NCAM2: variants seen among roughly 807,000 people sequenced by gnomAD.
The protein encoded by NCAM2 is neural cell adhesion molecule 2.
Under a neutral mutation model 98.1 loss-of-function variants are expected in NCAM2, and 30 were observed. That is an observed-to-expected ratio of 0.31 (90% CI 0.23 to 0.41). The LOEUF (loss-of-function observed/expected upper bound fraction) is 0.41, where lower values mean the gene tolerates loss of function less well. Ranked by LOEUF, NCAM2 falls within the 10% of genes least tolerant of loss-of-function variation. NCAM2 has a pLI of 1.00. For synonymous variants in NCAM2, 368 were observed against 342.4 expected, an observed-to-expected ratio of 1.07 and a Z score of -0.83; for missense variants, 867 against 1,005.8, an observed-to-expected ratio of 0.86 and a Z score of 1.87.
At chr21:21,122,730 A>G (rs1370772689) in intron 1 of NCAM2, among the ~76,000 whole-genome samples, 4 of 152,160 alleles carry the variant, frequency 2.6e-5, no homozygotes, top group Non-Finnish European at 4.4e-5. Context: ...GCAGGGGTCA[A>G]AGAGTTTTTG....
intron 7 of NCAM2, among the ~76,000 whole-genome samples, chr21:21,337,580 G>A (rs1046075383): frequency 5.9e-5 from 9 of 151,802 alleles, no homozygotes; most frequent in Non-Finnish European, 8.8e-5. Context: ...GTACTTGATT[G>A]TATCCATTTT....
intron 1 of NCAM2, among the ~76,000 whole-genome samples, chr21:21,093,514 C>A (rs2066056724): frequency 6.6e-6 from 1 of 152,022 alleles, no homozygotes; most frequent in Admixed American, 6.6e-5. Flanking sequence ...GCAGATTTGA[C>A]CTGTTAAAGA....
In NCAM2 at chr21:21,360,944, C is replaced by T. The variant is rs77723751; in HGVS notation, c.1045-12919C>T. ...TACTTCATAAATTTTTATCTATTCT[C>T]AAATTTACAAAACTCCTCTATCATC... On this transcript the variant is annotated intron_variant, in intron 8 of 17. Coordinates refer to ENST00000400546, the MANE Select transcript of NCAM2 (RefSeq NM_004540.5). 2.8e-3 allele frequency among the ~76,000 whole-genome samples: 431 copies of T among 152,124 alleles called. 2 individuals are homozygous for T. Among genetic ancestry groups the T allele is most frequent in the African/African-American group, 9.9e-3 (412 of 41,546 alleles).
chr21:21,148,200 T>C (rs1402946710), intron 1 of NCAM2, among the ~76,000 whole-genome samples: 5 of 152,164 alleles, frequency 3.3e-5, no homozygotes, highest in African/African-American at 1.2e-4. Flanking sequence ...ACTCAGAAAT[T>C]ATGTTTGATC....
chr21:21,446,402 T>C (rs1602365433), intron 12 of NCAM2, among the ~76,000 whole-genome samples: 1 of 152,122 alleles, frequency 6.6e-6, no homozygotes, highest in Non-Finnish European at 1.5e-5. Flanking sequence ...AAAGTTCTCC[T>C]GGATAATATC....
intron 1 of NCAM2, among the ~76,000 whole-genome samples, chr21:21,107,241 T>G (rs929198686): frequency 1.3e-5 from 2 of 152,102 alleles, no homozygotes; most frequent in African/African-American, 4.8e-5. Context: ...TGATTAATGG[T>G]TTTCACTTGC....
At chr21:21,034,460 A>G (rs1396384337) in intron 1 of NCAM2, among the ~76,000 whole-genome samples, 2 of 152,166 alleles carry the variant, frequency 1.3e-5, no homozygotes, top group Non-Finnish European at 2.9e-5. Flanking sequence ...TCGTCCATAC[A>G]TCAACAGGCA....
chr21:21,534,487 G>T (rs1989877853), intron 16 of NCAM2, 50 bp from the exon 17 acceptor site: 5 of 1,397,616 alleles, frequency 3.6e-6, no homozygotes, highest in African/African-American at 2.9e-5. Context: ...TTTCCATAAT[G>T]CATCCATTTT....
intron 1 of NCAM2, among the ~76,000 whole-genome samples, chr21:21,268,178 G>T (rs374173113): frequency 3.9e-5 from 6 of 152,232 alleles, no homozygotes; most frequent in South Asian, 4.2e-4. Context: ...CTCAGTTTTT[G>T]TTGGTGCTGA....
chr21:21,316,949 C>G (rs2074242328), intron 5 of NCAM2, among the ~76,000 whole-genome samples: 1 of 152,164 alleles, frequency 6.6e-6, no homozygotes, highest in South Asian at 2.1e-4. Context: ...ATTTACACAT[C>G]CGACTGTTTT....
At chr21:21,027,135 G>A (rs1332056937) in intron 1 of NCAM2, among the ~76,000 whole-genome samples, 1 of 152,126 alleles carries the variant, frequency 6.6e-6, no homozygotes, top group Non-Finnish European at 1.5e-5. Flanking sequence ...TGGGATTACA[G>A]GCGTGAGCCG....
intron 14 of NCAM2, among the ~76,000 whole-genome samples, chr21:21,474,723 T>C (rs1984925296): frequency 1.3e-5 from 2 of 152,082 alleles, no homozygotes; most frequent in Admixed American, 1.3e-4. Context: ...CATGGATCCC[T>C]TGTCTTCATA....
At chr21:21,253,798 A>G (rs1459990900) in intron 1 of NCAM2, among the ~76,000 whole-genome samples, 2 of 152,200 alleles carry the variant, frequency 1.3e-5, no homozygotes. Context: ...GAACTTGTAG[A>G]TATCAGGGAA....
At chr21:21,066,465 G>A (rs548882727) in intron 1 of NCAM2, among the ~76,000 whole-genome samples, 30 of 151,998 alleles carry the variant, frequency 2.0e-4, no homozygotes, top group African/African-American at 6.5e-4. Flanking sequence ...AATTCAAACC[G>A]TAATTGTTTT....
At chr21:21,446,093 C>T (rs927012154) in intron 12 of NCAM2, among the ~76,000 whole-genome samples, 3 of 151,938 alleles carry the variant, frequency 2.0e-5, no homozygotes, top group African/African-American at 4.8e-5. Context: ...AGTTATGATG[C>T]TTAGTTTGGC....
intron 1 of NCAM2, among the ~76,000 whole-genome samples, chr21:21,212,279 G>A (rs548633880): frequency 6.6e-6 from 1 of 152,092 alleles, no homozygotes; most frequent in Non-Finnish European, 1.5e-5. Flanking sequence ...GAATTATGCA[G>A]AATGAAAAAA....
intron 1 of NCAM2, among the ~76,000 whole-genome samples, chr21:21,002,540 C>T (rs756999886): frequency 6.6e-6 from 1 of 152,108 alleles, no homozygotes; most frequent in African/African-American, 2.4e-5. Context: ...GGAAGCAGTG[C>T]AAATAGTAAC....
At chr21:21,404,367 T>C (rs1466476424) in intron 9 of NCAM2, among the ~76,000 whole-genome samples, 5 of 152,094 alleles carry the variant, frequency 3.3e-5, no homozygotes, top group East Asian at 1.9e-4. Flanking sequence ...CAGAGCATAA[T>C]TGAATCACAG....
At position 21,105,982 on chromosome 21, in the gene NCAM2, TTAATC is replaced by T. The variant is rs889220268; in HGVS notation, c.55+107367_55+107371del. Among the ~76,000 whole-genome samples, 14 of 152,122 alleles carry T rather than the reference TTAATC, an allele frequency of 9.2e-5. 1 individual carries two copies. The highest frequency in any genetic ancestry group is 6.6e-4 in the Admixed American group (10 of 15,248). On this transcript the variant is annotated intron_variant, in intron 1 of 17. Coordinates refer to ENST00000400546, the MANE Select transcript of NCAM2 (RefSeq NM_004540.5). ...ATGTTCCAAGAGGGTATGTTTATCATTAATCTATATATATAAGTGTAAAACTATAT... is the reference window on the plus strand; with the variant it reads ...ATGTTCCAAGAGGGTATGTTTATCATTATATATATAAGTGTAAAACTATAT...
Sources: gnomAD v4.1 joint callset for allele counts (sites outside exome capture counted in the v4.1 genomes callset) on GRCh38, gnomAD v4.1.1 for gene constraint, MANE v1.5 for transcripts, NCBI Gene and HGNC (gene_info 2026-07-23, HGNC 2026-07-21) for gene names.